ALK: variants seen among roughly 807,000 people sequenced by gnomAD.
The protein encoded by ALK is ALK tyrosine kinase receptor.
ALK carries 74 observed loss-of-function variants against 163.1 expected under a neutral mutation model. That is an observed-to-expected ratio of 0.45 (90% confidence interval 0.38 to 0.55). The LOEUF is 0.55. Among genes scored for constraint, ALK ranks in the 20% least tolerant of loss-of-function variants. The pLI is 0.00. For synonymous variants in ALK, 960 were observed against 843.2 expected, an observed-to-expected ratio of 1.14 and a Z score of -2.40; for missense variants, 2,063 against 2,105.3, an observed-to-expected ratio of 0.98 and a Z score of 0.39.
chr2:29,612,820 T>C (rs1332694577), intron 3 of ALK, among the ~76,000 whole-genome samples: 1 of 152,198 alleles, frequency 6.6e-6, no homozygotes, highest in Non-Finnish European at 1.5e-5. Context: ...GCTGTGCCCA[T>C]CCTGCAGGGA....
chr2:29,380,833 C>G (rs975001323), intron 5 of ALK, among the ~76,000 whole-genome samples: 1 of 152,292 alleles, frequency 6.6e-6, no homozygotes, highest in African/African-American at 2.4e-5. Context: ...TACCCACCAG[C>G]CCCCTCCTCC....
At chr2:29,738,298 T>C (rs766081507) in intron 1 of ALK, among the ~76,000 whole-genome samples, 44 of 152,086 alleles carry the variant, frequency 2.9e-4, no homozygotes, top group Middle Eastern at 3.2e-3. Flanking sequence ...AAATGGATGC[T>C]TGAAAAGTAA....
In ALK at chr2:29,758,639, C is replaced by T. The variant is rs372652386; in HGVS notation, c.668-40942G>A. Among the ~76,000 whole-genome samples, 64 of 152,298 alleles carry T rather than the reference C, an allele frequency of 4.2e-4. 1 individual carries two copies. In the South Asian group the frequency reaches 0.01, roughly 24 times the overall value. On this transcript the variant is annotated intron_variant, in intron 1 of 28. Transcript: ENST00000389048. ...TTGGCTCCCTCCTCGGCTCCCTCCT[C>T]CCTCCCCAGGCACTGCTCAGGCCTT...
rs188400002 is a variant in ALK at position 29,238,875 on chromosome 2, C to T, written c.2355+805G>A. On this transcript the variant is annotated intron_variant, in intron 13 of 28. Coordinates refer to ENST00000389048, the MANE Select transcript of ALK (RefSeq NM_004304.5). The stretch of plus-strand genomic sequence containing the variant: ...ATTTCAATTGAATTTTTAAAAAAGA[C>T]GCGGTCCCGTGAAAAGACATAACTG... 2.9e-4 allele frequency among the ~76,000 whole-genome samples: 44 copies of T among 152,288 alleles called. 1 individual carries two copies. The East Asian group carries it at 6.6e-3, about 23-fold the overall frequency.
intron 5 of ALK, among the ~76,000 whole-genome samples, chr2:29,362,679 C>A (rs138395864): frequency 6.6e-6 from 1 of 152,200 alleles, no homozygotes; most frequent in Admixed American, 6.5e-5. Flanking sequence ...CACAGCACTG[C>A]GTCTCATTCA....
chr2:29,774,440 A>G (rs1358269663), intron 1 of ALK, among the ~76,000 whole-genome samples: 1 of 152,154 alleles, frequency 6.6e-6, no homozygotes, highest in Non-Finnish European at 1.5e-5. Flanking sequence ...CTATTGCCAT[A>G]CCATGTTACA....
intron 3 of ALK, among the ~76,000 whole-genome samples, chr2:29,582,226 A>G (rs985586035): frequency 6.6e-6 from 1 of 152,234 alleles, no homozygotes; most frequent in African/African-American, 2.4e-5. Flanking sequence ...CAGGTGCAGC[A>G]GAGGGAAACG....
At chr2:29,537,678 A>G (rs1248942666) in intron 3 of ALK, among the ~76,000 whole-genome samples, 1 of 152,214 alleles carries the variant, frequency 6.6e-6, no homozygotes, top group Non-Finnish European at 1.5e-5. Flanking sequence ...GCTGCCTTCT[A>G]TATCCAAGAA....
At chr2:29,210,335 C>A (rs573836842) in intron 24 of ALK, among the ~76,000 whole-genome samples, 2 of 152,170 alleles carry the variant, frequency 1.3e-5, no homozygotes, top group Non-Finnish European at 2.9e-5. Context: ...GTACAAACCA[C>A]GGGCTGGTTT....
intron 1 of ALK, among the ~76,000 whole-genome samples, chr2:29,725,154 CAA>C (rs757959526): frequency 4.5e-5 from 3 of 67,392 alleles, no homozygotes; most frequent in Admixed American, 1.8e-4. Context: ...TATCCTATAC[CAA>C]AAAAAAAAAA....
At chr2:29,693,405 C>CTA (rs1678458262) in intron 3 of ALK, among the ~76,000 whole-genome samples, 1 of 52,148 alleles carries the variant, frequency 1.9e-5, no homozygotes, top group South Asian at 1.0e-3. Flanking sequence ...GAGCACTCAC[C>CTA]TACACACACA....
At chr2:29,724,168 T>C (rs199953287) in intron 1 of ALK, among the ~76,000 whole-genome samples, 1 of 152,178 alleles carries the variant, frequency 6.6e-6, no homozygotes, top group East Asian at 1.9e-4. Flanking sequence ...CAAACCTACA[T>C]CAATAAAATG....
At chr2:29,739,073 C>CA (rs35521370) in intron 1 of ALK, among the ~76,000 whole-genome samples, 4 of 151,062 alleles carry the variant, frequency 2.6e-5, no homozygotes, top group East Asian at 1.9e-4. Flanking sequence ...CCTGTCTCTT[C>CA]AAAAAAATTT....
chr2:29,809,303 C>G (rs1332661043), intron 1 of ALK, among the ~76,000 whole-genome samples: 1 of 152,212 alleles, frequency 6.6e-6, no homozygotes, highest in Admixed American at 6.5e-5. Context: ...ATCCTCAAAA[C>G]AGCCTTCCTT....
intron 15 of ALK, 58 bp from the exon 16 acceptor site, chr2:29,229,124 C>G: frequency 6.5e-7 from 1 of 1,547,084 alleles, no homozygotes; most frequent in Non-Finnish European, 8.9e-7. Flanking sequence ...ATTAGCCATG[C>G]TGGCCAGAGA....
chr2:29,612,423 G>A (rs1675722602), intron 3 of ALK, among the ~76,000 whole-genome samples: 2 of 152,036 alleles, frequency 1.3e-5, no homozygotes, highest in Non-Finnish European at 2.9e-5. Flanking sequence ...TTATTTCTAC[G>A]TTTCAGGGTT....
intron 4 of ALK, among the ~76,000 whole-genome samples, chr2:29,456,126 T>C (rs1267909333): frequency 6.6e-6 from 1 of 152,142 alleles, no homozygotes; most frequent in Non-Finnish European, 1.5e-5. Flanking sequence ...GCTGGGAATG[T>C]AAAATGGTGC....
At chr2:29,764,357 A>G (rs1680798770) in intron 1 of ALK, among the ~76,000 whole-genome samples, 1 of 152,156 alleles carries the variant, frequency 6.6e-6, no homozygotes. Context: ...CCAAGACCCC[A>G]TTGTCCTCAC....
At chr2:29,903,234 GAA>G (rs916566655) in intron 1 of ALK, among the ~76,000 whole-genome samples, 2 of 152,158 alleles carry the variant, frequency 1.3e-5, no homozygotes, top group African/African-American at 4.8e-5. Context: ...TGGAATTAAG[GAA>G]AAAGTCAGTG....
Sources: allele counts gnomAD v4.1 joint callset (sites outside exome capture counted in the v4.1 genomes callset), GRCh38; gene constraint gnomAD v4.1.1; transcripts MANE v1.5; gene names NCBI Gene and HGNC (gene_info 2026-07-23, HGNC 2026-07-21).